The following KCNQ5 variants were observed in gnomAD, a reference collection of about 807,000 sequenced individuals.
KCNQ5 encodes potassium voltage-gated channel subfamily Q member 5.
A neutral mutation model predicts 98.2 loss-of-function variants in KCNQ5; 30 were observed. That is an observed-to-expected ratio of 0.31 (90% CI 0.23 to 0.41). The LOEUF is 0.41. KCNQ5 is among the 10% of genes least tolerant of loss of function. The pLI is 1.00. For missense variants in KCNQ5, 835 were observed against 1,182.5 expected, an observed-to-expected ratio of 0.71 and a Z score of 4.31; for synonymous variants, 458 against 449.4, an observed-to-expected ratio of 1.02 and a Z score of -0.24.
At chr6:72,941,327 TC>T (rs1766229002) in intron 1 of KCNQ5, among the ~76,000 whole-genome samples, 1 of 41,860 alleles carries the variant, frequency 2.4e-5, no homozygotes, top group Non-Finnish European at 1.2e-4. Flanking sequence ...CTTCTTTCCT[TC>T]CTTCCTTCCT....
intron 1 of KCNQ5, among the ~76,000 whole-genome samples, chr6:72,737,735 G>C (rs1484348757): frequency 6.6e-6 from 1 of 152,068 alleles, no homozygotes; most frequent in Non-Finnish European, 1.5e-5. Context: ...TCTTATATTT[G>C]TACTTTATCA....
intron 1 of KCNQ5, among the ~76,000 whole-genome samples, chr6:72,920,997 C>T (rs1562068701): frequency 6.6e-6 from 1 of 152,070 alleles, no homozygotes; most frequent in Non-Finnish European, 1.5e-5. Context: ...CATGAAAAAA[C>T]ACTATGATAT....
chr6:72,713,839 A>C (rs1216756797), intron 1 of KCNQ5, among the ~76,000 whole-genome samples: 1 of 152,170 alleles, frequency 6.6e-6, no homozygotes, highest in Non-Finnish European at 1.5e-5. Context: ...CAGACCTTTA[A>C]GTGCAGACTC....
intron 9 of KCNQ5, among the ~76,000 whole-genome samples, chr6:73,130,656 ATCAAT>A (rs1472022919): frequency 1.3e-5 from 2 of 152,226 alleles, no homozygotes; most frequent in African/African-American, 4.8e-5. Context: ...TATATTTTTA[ATCAAT>A]TCAATGTGTG....
intron 5 of KCNQ5, among the ~76,000 whole-genome samples, chr6:73,090,645 C>T (rs539432947): frequency 5.3e-5 from 8 of 152,184 alleles, no homozygotes; most frequent in African/African-American, 1.9e-4. Context: ...CCAATTATCC[C>T]AGCACCATTT....
chr6:72,736,604 A>C (rs1046601062), intron 1 of KCNQ5, among the ~76,000 whole-genome samples: 1 of 137,608 alleles, frequency 7.3e-6, no homozygotes, highest in Admixed American at 8.0e-5. Context: ...GGTTCACGCC[A>C]TTCTCCTGCC....
At chr6:72,854,785 C>T (rs796351538) in intron 1 of KCNQ5, among the ~76,000 whole-genome samples, 1,012 of 86,604 alleles carry the variant, frequency 0.012, 14 homozygotes, top group African/African-American at 0.035. Flanking sequence ...TGTGTGTGTG[C>T]GTGCGTAGAT....
intron 3 of KCNQ5, among the ~76,000 whole-genome samples, chr6:73,051,009 T>C (rs1410678259): frequency 6.6e-6 from 1 of 152,236 alleles, no homozygotes; most frequent in Non-Finnish European, 1.5e-5. Flanking sequence ...CTTCTAGTTT[T>C]TGGCTATTAC....
chr6:73,161,996 A>C (rs1222638426), intron 10 of KCNQ5, among the ~76,000 whole-genome samples: 1 of 152,072 alleles, frequency 6.6e-6, no homozygotes, highest in East Asian at 1.9e-4. Flanking sequence ...GGCTCACTGC[A>C]ACCTCCTTCT....
In KCNQ5 at chr6:73,195,475, A is replaced by G; in HGVS notation, c.*61A>G. On this transcript the variant is annotated 3_prime_UTR_variant, in exon 14 of 14. Coordinates refer to ENST00000370398, the MANE Select transcript of KCNQ5 (RefSeq NM_019842.4). ...AGCCATACATATCATTGCATGAACT[A>G]TTTCGAAAGCCCTTCTAAAAAGTTG... The G allele has an allele frequency of 6.5e-7, 1 of 1,542,290 alleles. No individual in the cohort carries two copies. The highest frequency in any genetic ancestry group is 8.7e-7 in the Non-Finnish European group (1 of 1,147,034).
At chr6:72,665,322 C>T (rs866667076) in intron 1 of KCNQ5, among the ~76,000 whole-genome samples, 25 of 130,812 alleles carry the variant, frequency 1.9e-4, no homozygotes, top group East Asian at 6.6e-4. Context: ...CCAGCCTGGA[C>T]GACAGAGTAA....
chr6:73,103,281 T>C (rs1774863762), intron 5 of KCNQ5, among the ~76,000 whole-genome samples: 1 of 152,172 alleles, frequency 6.6e-6, no homozygotes, highest in Non-Finnish European at 1.5e-5. Context: ...GTGGCACATA[T>C]ACACCATGGA....
intron 1 of KCNQ5, among the ~76,000 whole-genome samples, chr6:72,799,371 T>C (rs1468948888): frequency 6.6e-6 from 1 of 152,182 alleles, no homozygotes; most frequent in Non-Finnish European, 1.5e-5. Context: ...CAAAATGCCT[T>C]CACTGCAACA....
chr6:73,005,840 G>A (rs147874709), intron 2 of KCNQ5, among the ~76,000 whole-genome samples: 2 of 152,338 alleles, frequency 1.3e-5, no homozygotes, highest in Admixed American at 1.3e-4. Context: ...TTTCCATAGG[G>A]AGAGGGTTTG....
intron 1 of KCNQ5, among the ~76,000 whole-genome samples, chr6:72,795,076 G>A (rs1311079403): frequency 1.3e-5 from 2 of 152,078 alleles, no homozygotes; most frequent in African/African-American, 4.8e-5. Flanking sequence ...CTAGGTAGAT[G>A]CTTCCGACAT....
In KCNQ5 at chr6:72,836,974, A is replaced by G. The variant is rs543122659; in HGVS notation, c.399-166934A>G. Reference sequence around the variant, plus strand: ...GCTGGTGTTCTCTTTTTAACTTAATATATTGTATTTCCTGCAAGTCTGATA... The same window carrying G: ...GCTGGTGTTCTCTTTTTAACTTAATGTATTGTATTTCCTGCAAGTCTGATA... On this transcript the variant is annotated intron_variant, in intron 1 of 13. Coordinates refer to ENST00000370398, the MANE Select transcript of KCNQ5 (RefSeq NM_019842.4). Among the ~76,000 whole-genome samples the G allele has an allele frequency of 4.6e-5, 7 of 152,244 alleles. No individual in the cohort carries two copies. In the East Asian group the frequency reaches 1.4e-3, roughly 29 times the overall value.
chr6:72,710,233 G>A (rs1193393855), intron 1 of KCNQ5, among the ~76,000 whole-genome samples: 1 of 152,144 alleles, frequency 6.6e-6, no homozygotes, highest in African/African-American at 2.4e-5. Context: ...GAACTGAATT[G>A]TGTCCCCCCA....
intron 3 of KCNQ5, among the ~76,000 whole-genome samples, chr6:73,053,540 C>T (rs780243460): frequency 1.9e-4 from 29 of 152,060 alleles, no homozygotes; most frequent in Non-Finnish European, 4.3e-4. Flanking sequence ...CAACCACACT[C>T]TCAGACTACA....
At chr6:72,873,952 A>G (rs908049479) in intron 1 of KCNQ5, among the ~76,000 whole-genome samples, 1 of 151,982 alleles carries the variant, frequency 6.6e-6, no homozygotes, top group Non-Finnish European at 1.5e-5. Context: ...ACACTCAGTG[A>G]TATATAAACT....
Sources: allele counts gnomAD v4.1 joint callset (sites outside exome capture counted in the v4.1 genomes callset), GRCh38; gene constraint gnomAD v4.1.1; transcripts MANE v1.5; gene names NCBI Gene and HGNC (gene_info 2026-07-23, HGNC 2026-07-21).